Variants in IL17RD observed in about 807,000 individuals in gnomAD.
IL17RD encodes interleukin-17 receptor D.
IL17RD carries 52 observed loss-of-function variants against 80.5 expected under a neutral mutation model. That is an observed-to-expected ratio of 0.65 (90% confidence interval 0.52 to 0.81). The LOEUF (loss-of-function observed/expected upper bound fraction) is 0.81. Among genes scored for constraint, IL17RD ranks in the 40% least tolerant of loss-of-function variants. The probability of loss-of-function intolerance (pLI) is 0.00; values close to 1 mark genes in which losing one functional copy is unlikely to be tolerated. For missense variants in IL17RD, 1,024 were observed against 955.1 expected (o/e 1.07, Z -0.95); for synonymous variants, 416 against 391.8 (o/e 1.06, Z -0.73).
chr3:57,125,312 C>T (rs1329020302), intron 1 of IL17RD, among the ~76,000 whole-genome samples: 1 of 151,920 alleles, frequency 6.6e-6, no homozygotes, highest in African/African-American at 2.4e-5. Flanking sequence ...AAGGCTGAGA[C>T]AGGAGAATTG....
Position 57,139,515 on chromosome 3 carries a change from C to CT in IL17RD, c.127-19203dup, listed in dbSNP as rs10717205. ...ATGGGGTACATGCAATGAAAATTTCCTTTTTTTTTTTTTTTTGAGACGGGG... is the reference window on the plus strand; with the variant it reads ...ATGGGGTACATGCAATGAAAATTTCCTTTTTTTTTTTTTTTTTGAGACGGGG... On this transcript the variant is annotated intron_variant, in intron 1 of 12. Transcript: ENST00000296318. Among the ~76,000 whole-genome samples the CT allele has an allele frequency of 4.7e-3, 638 of 134,734 alleles. 1 individual carries two copies. Among genetic ancestry groups the CT allele is most frequent in the South Asian group, 0.011 (48 of 4,236 alleles). 88.4% of individuals were successfully genotyped at this position (134,734 alleles called of 152,430 possible). A position where few individuals can be genotyped will look rare whatever the true frequency, so the allele number is the denominator to read the frequency against.
intron 3 of IL17RD, among the ~76,000 whole-genome samples, chr3:57,111,636 T>G (rs1707099911): frequency 6.6e-6 from 1 of 152,172 alleles, no homozygotes; most frequent in East Asian, 1.9e-4. Flanking sequence ...AGCCAAGTGA[T>G]TAATACCATT....
At chr3:57,128,176 C>T (rs1707533982) in intron 1 of IL17RD, among the ~76,000 whole-genome samples, 1 of 152,122 alleles carries the variant, frequency 6.6e-6, no homozygotes, top group Non-Finnish European at 1.5e-5. Context: ...GGATGCGTAG[C>T]AAGGAACACA....
intron 3 of IL17RD, among the ~76,000 whole-genome samples, chr3:57,111,774 C>T (rs1423401351): frequency 6.7e-6 from 1 of 148,370 alleles, no homozygotes; most frequent in Non-Finnish European, 1.5e-5. Flanking sequence ...ATTGAGACCA[C>T]GGTGAAACCC....
rs1261405307 is a variant in IL17RD at position 57,165,196 on chromosome 3, C to T, written c.91G>A (p.Gly31Ser). The T allele has an allele frequency of 7.2e-6, 11 of 1,527,930 alleles. No homozygotes were observed. Among genetic ancestry groups the T allele is most frequent in the Admixed American group, 2.0e-5 (1 of 49,594 alleles). 94.6% of individuals were successfully genotyped at this position (1,527,930 alleles called of 1,614,324 possible). The change falls in exon 1 of 13, where the codon GGC (glycine) becomes AGC (serine). Residue 31 changes from glycine (G) to serine (S), a missense_variant. By Grantham distance (56) the Gly-to-Ser change is moderately conservative. Transcript: ENST00000296318. ...CAGGTGTCGGCGCCCCGCGCGCGGC[C>T]GGACCCGCCAGCGGCCACAGCCAGC... is the stretch of plus-strand genomic sequence containing the variant. Reference protein sequence around the residue: ...SQLAVAAGGSGRARGADTCGW... With the variant: ...SQLAVAAGGSSRARGADTCGW...
intron 1 of IL17RD, among the ~76,000 whole-genome samples, chr3:57,151,310 T>C (rs916772413): frequency 7.2e-5 from 11 of 152,156 alleles, no homozygotes; most frequent in African/African-American, 2.4e-4. Context: ...GGTTTCATGC[T>C]GAAAAAATGT....
intron 1 of IL17RD, among the ~76,000 whole-genome samples, chr3:57,159,516 C>A (rs548464311): frequency 6.6e-6 from 1 of 152,168 alleles, no homozygotes; most frequent in East Asian, 1.9e-4. Context: ...GTCACCTAAT[C>A]GTGTGTCAGG....
In IL17RD at chr3:57,165,176, G is replaced by A. The variant is rs1340291830; in HGVS notation, c.111C>T (p.Asp37=). 2.0e-6 allele frequency: 3 copies of A among 1,526,884 alleles called. No homozygotes were observed. Among genetic ancestry groups the A allele is most frequent in the Non-Finnish European group, 2.6e-6 (3 of 1,138,502 alleles). The allele number at this position is 1,526,884 out of a possible 1,614,324, so 94.6% of individuals were successfully genotyped here. A position where few individuals can be genotyped will look rare whatever the true frequency, so the allele number is the denominator to read the frequency against. The change falls in exon 1 of 13, where the codon GAC becomes GAT. Residue 37 remains aspartate (D), a synonymous_variant. Transcript: ENST00000296318. ...CTCGCCTTACCCTCCAGCCACAGGTGTCGGCGCCCCGCGCGCGGCCGGACC... is the reference window on the plus strand; with the variant it reads ...CTCGCCTTACCCTCCAGCCACAGGTATCGGCGCCCCGCGCGCGGCCGGACC... ...AGGSGRARGA[D]TCGWRGVGPA...
chr3:57,160,021 A>C (rs1378772198), intron 1 of IL17RD, among the ~76,000 whole-genome samples: 2 of 152,058 alleles, frequency 1.3e-5, no homozygotes, highest in Middle Eastern at 3.2e-3. Flanking sequence ...AAAATACAAA[A>C]ATTAGCTGGG....
Position 57,114,806 on chromosome 3 carries a change from A to G in IL17RD, c.196T>C (p.Tyr66His). ...ACATGCTTCCCCACTGGATTCAAGT[A>G]GGTGGTACAATCTAGAGAGTAGGGA... The part of the protein sequence containing the change: ...ITFKYDNCTT[Y>H]LNPVGKHVIA... Residue 66 changes from tyrosine to histidine, a missense_variant, in exon 3 of 13, where the codon TAC (tyrosine) becomes CAC (histidine). By Grantham distance (83) the Tyr-to-His change is moderately conservative (BLOSUM62 2). Transcript: ENST00000296318. 2.5e-6 allele frequency: 4 copies of G among 1,603,032 alleles called. No individual in the cohort carries two copies. The highest frequency in any genetic ancestry group is 3.4e-6 in the Non-Finnish European group (4 of 1,175,658).
At position 57,127,283 on chromosome 3, in the gene IL17RD, T is replaced by TAAAAATATATAA. The variant is rs1193232159; in HGVS notation, c.127-6971_127-6970insTTATATATTTTT. On this transcript the variant is annotated intron_variant, in intron 1 of 12. Coordinates refer to ENST00000296318, the MANE Select transcript of IL17RD (RefSeq NM_017563.5). The stretch of plus-strand genomic sequence containing the variant: ...ATATAAATATATATAAAAATATATA[T>TAAAAATATATAA]AAATATATATAAATATATATAAAAA... Among the ~76,000 whole-genome samples the TAAAAATATATAA allele has an allele frequency of 1.9e-3, 126 of 64,688 alleles. 8 individuals carry two copies. Among genetic ancestry groups the TAAAAATATATAA allele is most frequent in the Non-Finnish European group, 2.7e-3 (100 of 37,468 alleles). 42.4% of individuals were successfully genotyped at this position (64,688 alleles called of 152,430 possible).
chr3:57,148,712 T>C (rs190469630), intron 1 of IL17RD, among the ~76,000 whole-genome samples: 28 of 152,184 alleles, frequency 1.8e-4, no homozygotes, highest in African/African-American at 6.3e-4. Context: ...AAGCAGGAAG[T>C]TTATGCCTAA....
chr3:57,112,162 G>A (rs549114319), intron 3 of IL17RD, among the ~76,000 whole-genome samples: 1 of 152,244 alleles, frequency 6.6e-6, no homozygotes, highest in South Asian at 2.1e-4. Context: ...GTAATGATTA[G>A]TAATTTTATA....
At chr3:57,153,203 GAC>G (rs1019048973) in intron 1 of IL17RD, among the ~76,000 whole-genome samples, 4 of 152,176 alleles carry the variant, frequency 2.6e-5, no homozygotes, top group African/African-American at 9.7e-5. Flanking sequence ...TTTTTAAAAA[GAC>G]AACACAAGAC....
At chr3:57,139,556 C>T (rs1707792332) in intron 1 of IL17RD, among the ~76,000 whole-genome samples, 1 of 150,736 alleles carries the variant, frequency 6.6e-6, no homozygotes, top group Middle Eastern at 3.4e-3. Context: ...CTCTGTCTCC[C>T]AGGCTGTAGT....
At chr3:57,114,904 C>A (rs753942431) in intron 2 of IL17RD, 87 bp from the exon 3 acceptor site, 65 of 1,108,372 alleles carry the variant, frequency 5.9e-5, no homozygotes, top group Non-Finnish European at 7.9e-5. Flanking sequence ...CAGGGCATGT[C>A]TGAAGGTGGC....
At chr3:57,098,852 C>T (rs1485191611) in intron 11 of IL17RD, among the ~76,000 whole-genome samples, 1 of 152,228 alleles carries the variant, frequency 6.6e-6, no homozygotes, top group East Asian at 1.9e-4. Flanking sequence ...CCAAGTCACA[C>T]CCTACATAGG....
chr3:57,153,329 A>C (rs544061286), intron 1 of IL17RD, among the ~76,000 whole-genome samples: 2 of 152,380 alleles, frequency 1.3e-5, no homozygotes, highest in Admixed American at 1.3e-4. Flanking sequence ...TTGATATGTA[A>C]AATCCAACAA....
chr3:57,113,956 C>T (rs866118839), intron 3 of IL17RD, among the ~76,000 whole-genome samples: 3 of 151,768 alleles, frequency 2.0e-5, no homozygotes, highest in African/African-American at 4.8e-5. Context: ...GAGGCCGAGG[C>T]GGGCGGATCA....
Sources: allele counts gnomAD v4.1 joint callset (sites outside exome capture counted in the v4.1 genomes callset), GRCh38; gene constraint gnomAD v4.1.1; transcripts MANE v1.5; gene names NCBI Gene and HGNC (gene_info 2026-07-23, HGNC 2026-07-21).